LOC128092252: variants seen among roughly 807,000 people sequenced by gnomAD.
At chr15:50,684,461 C>T in the LOC128092252 span, among the ~76,000 whole-genome samples, 21,022 of 151,766 alleles carry the variant, frequency 0.14, 1,487 homozygotes, top group Middle Eastern at 0.2. Flanking sequence ...GCCAATATGA[C>T]GAAACCCCAT....
chr15:50,655,000 C>CAAAA, the LOC128092252 span, among the ~76,000 whole-genome samples: 3 of 69,448 alleles, frequency 4.3e-5, no homozygotes, highest in African/African-American at 1.7e-4. Flanking sequence ...CACTCCGTCT[C>CAAAA]AAAAAAAAAA....
the LOC128092252 span, among the ~76,000 whole-genome samples, chr15:50,685,727 G>C: frequency 1.3e-5 from 2 of 152,018 alleles, no homozygotes; most frequent in African/African-American, 4.8e-5. Context: ...CTTCAAAATT[G>C]GTTCCTGATA....
chr15:50,663,015 G>A, the LOC128092252 span: 1 of 1,613,728 alleles, frequency 6.2e-7, no homozygotes, highest in Non-Finnish European at 8.5e-7. Flanking sequence ...TTCCCTCTTG[G>A]TCAAAGTGCT....
the LOC128092252 span, among the ~76,000 whole-genome samples, chr15:50,675,716 C>G: frequency 6.6e-6 from 1 of 152,176 alleles, no homozygotes; most frequent in East Asian, 1.9e-4. Context: ...GTTGCACTAC[C>G]AGATTTTACC....
At chr15:50,650,523 T>G in the LOC128092252 span, among the ~76,000 whole-genome samples, 1 of 151,920 alleles carries the variant, frequency 6.6e-6, no homozygotes, top group African/African-American at 2.4e-5. Context: ...GGTGAAACTC[T>G]GTCTCTCCTA....
the LOC128092252 span, among the ~76,000 whole-genome samples, chr15:50,683,072 G>C: frequency 1.3e-5 from 2 of 151,438 alleles, 1 homozygote; most frequent in South Asian, 4.2e-4. Context: ...TTTTTTGGTA[G>C]AGACTGGGTT....
At chr15:50,656,496 TTTC>T in the LOC128092252 span, among the ~76,000 whole-genome samples, 1 of 146,972 alleles carries the variant, frequency 6.8e-6, no homozygotes, top group Non-Finnish European at 1.5e-5. Context: ...TGTGTGTGGT[TTTC>T]TTTTTTTTTT....
the LOC128092252 span, chr15:50,662,916 A>T: frequency 1.6e-4 from 215 of 1,307,358 alleles, 1 homozygote; most frequent in African/African-American, 3.0e-3. Flanking sequence ...TAACAATATA[A>T]TTTACACTAA....
the LOC128092252 span, chr15:50,686,605 T>C: frequency 1.9e-6 from 3 of 1,580,660 alleles, no homozygotes; most frequent in Non-Finnish European, 2.6e-6. Context: ...TAGCCATCTA[T>C]CGGGAAGCGT....
At chr15:50,676,555 T>C in the LOC128092252 span, among the ~76,000 whole-genome samples, 3 of 151,846 alleles carry the variant, frequency 2.0e-5, no homozygotes, top group African/African-American at 7.3e-5. Flanking sequence ...CTCATCTCTA[T>C]CGTTTAAATT....
At chr15:50,678,629 T>C in the LOC128092252 span, among the ~76,000 whole-genome samples, 3 of 147,392 alleles carry the variant, frequency 2.0e-5, no homozygotes, top group East Asian at 5.8e-4. Flanking sequence ...AACTAATTAA[T>C]AATTAGATAT....
the LOC128092252 span, among the ~76,000 whole-genome samples, chr15:50,668,600 G>C: frequency 1.3e-5 from 2 of 152,040 alleles, no homozygotes; most frequent in Admixed American, 6.6e-5. Flanking sequence ...CTCTGCCTCC[G>C]GGGTCCAAGT....
chr15:50,686,544 G>A, the LOC128092252 span: 1 of 1,610,352 alleles, frequency 6.2e-7, no homozygotes, highest in Non-Finnish European at 8.5e-7. Context: ...TCTCCTCACG[G>A]GGCGGACTCC....
the LOC128092252 span, among the ~76,000 whole-genome samples, chr15:50,649,075 A>G: frequency 4.6e-5 from 7 of 152,188 alleles, no homozygotes; most frequent in Non-Finnish European, 8.8e-5. Context: ...AAATAGTATA[A>G]TTAGTCTAAG....
At chr15:50,664,480 C>A in the LOC128092252 span, among the ~76,000 whole-genome samples, 5 of 151,988 alleles carry the variant, frequency 3.3e-5, no homozygotes, top group Middle Eastern at 3.4e-3. Context: ...AAAATGGGTA[C>A]AACACATCAA....
At chr15:50,678,258 C>A in the LOC128092252 span, among the ~76,000 whole-genome samples, 14,903 of 109,866 alleles carry the variant, frequency 0.14, 1,811 homozygotes, top group Admixed American at 0.21. Context: ...AAAACAAAAA[C>A]AAAAACAAAA....
At chr15:50,655,071 A>AGGGT in the LOC128092252 span, among the ~76,000 whole-genome samples, 1 of 140,684 alleles carries the variant, frequency 7.1e-6, no homozygotes, top group East Asian at 2.1e-4. Context: ...TGTAGAAATA[A>AGGGT]GAGTGAACCT....
the LOC128092252 span, among the ~76,000 whole-genome samples, chr15:50,685,843 T>C: frequency 2.0e-5 from 3 of 152,292 alleles, no homozygotes; most frequent in East Asian, 3.9e-4. Flanking sequence ...GGGCAAGGGA[T>C]GCGGTAGTTC....
At chr15:50,672,188 G>T in the LOC128092252 span, among the ~76,000 whole-genome samples, 1 of 151,874 alleles carries the variant, frequency 6.6e-6, no homozygotes, top group African/African-American at 2.4e-5. Flanking sequence ...TGAGCAGCTG[G>T]GACTACAGGC....
Sources: gnomAD v4.1 joint callset for allele counts (sites outside exome capture counted in the v4.1 genomes callset) on GRCh38, gnomAD v4.1.1 for gene constraint, MANE v1.5 for transcripts.